Variants in MCM2 observed in about 807,000 individuals in gnomAD.
MCM2 encodes the protein minichromosome maintenance complex component 2.
A neutral mutation model predicts 86.4 loss-of-function variants in MCM2; 49 were observed. The ratio of observed to expected loss-of-function variants is 0.57; its 90% confidence interval spans 0.45 to 0.72. MCM2 has a LOEUF of 0.72. Ranked by LOEUF, MCM2 falls within the 30% of genes least tolerant of loss-of-function variation. The pLI, the probability that MCM2 is intolerant of heterozygous loss-of-function variation, is 0.00. For missense variants in MCM2, 1,038 were observed against 1,259.9 expected, an observed-to-expected ratio of 0.82 and a Z score of 2.67; for synonymous variants, 475 against 484.6, an observed-to-expected ratio of 0.98 and a Z score of 0.26.
At chr3:127,608,592 GGCGGTGTCTATGGTC>G in intron 7 of MCM2, 76 bp downstream of exon 7, 1 of 1,582,828 alleles carries the variant, frequency 6.3e-7, no homozygotes, top group Non-Finnish European at 8.6e-7. Context: ...CTGGGCCGGT[GGCGGTGTCTATGGTC>G]GCAGGGGCAC....
chr3:127,612,031 GAGTT>G (rs1469717527), intron 8 of MCM2, among the ~76,000 whole-genome samples: 1 of 152,150 alleles, frequency 6.6e-6, no homozygotes, highest in Non-Finnish European at 1.5e-5. Context: ...TTTTTATTTT[GAGTT>G]AGTTATCATC....
intron 8 of MCM2, among the ~76,000 whole-genome samples, chr3:127,612,635 T>C (rs1017493137): frequency 1.3e-5 from 2 of 152,214 alleles, no homozygotes; most frequent in Admixed American, 1.3e-4. Context: ...AGCCTGATGC[T>C]TTAGGCATTT....
rs142890769 is a variant in MCM2 at position 127,619,147 on chromosome 3, G to A, written c.2134G>A (p.Val712Met). Residue 712 changes from valine to methionine, a missense_variant, in exon 13 of 16, where the codon GTG becomes ATG. By Grantham distance (21) the Val-to-Met change is conservative. Coordinates refer to ENST00000265056, the MANE Select transcript of MCM2 (RefSeq NM_004526.4). ...AEPAMPNTYGVEPLPQEVLKK... is the reference protein window; with the variant it reads ...AEPAMPNTYGMEPLPQEVLKK... Reference sequence around the variant, plus strand: ...GCCCGCCATGCCCAACACGTATGGCGTGGAGCCCCTGCCCCAGGAGGTCCT... The same window carrying A: ...GCCCGCCATGCCCAACACGTATGGCATGGAGCCCCTGCCCCAGGAGGTCCT... 44 of 1,614,156 alleles carry A rather than the reference G, an allele frequency of 2.7e-5. No individual in the cohort carries two copies. The highest frequency in any genetic ancestry group is 4.5e-5 in the East Asian group (2 of 44,880).
rs547812064 is a variant in MCM2 at position 127,620,829 on chromosome 3, G to C, written c.2397G>C (p.Leu799=). Residue 799 remains leucine, a synonymous_variant, in exon 14 of 16, where the codon CTG becomes CTC. Transcript: ENST00000265056. Reference sequence around the variant, plus strand: ...TCAACATGGCCATCCGCGTGATGCTGGAGAGCTTCATAGACACACAGAAGT... The same window carrying C: ...TCAACATGGCCATCCGCGTGATGCTCGAGAGCTTCATAGACACACAGAAGT... ...DDVNMAIRVM[L]ESFIDTQKFS... 9.9e-6 allele frequency: 16 copies of C among 1,613,802 alleles called. No homozygotes were observed. The African/African-American group carries it at 2.1e-4, about 21-fold the overall frequency.
chr3:127,608,943 A>G lies in MCM2; in HGVS notation c.1348A>G (p.Lys450Glu). 2 of 1,614,124 alleles carry G rather than the reference A, an allele frequency of 1.2e-6. No homozygotes were observed. The highest frequency in any genetic ancestry group is 2.2e-5 in the South Asian group (2 of 91,074). The change falls in exon 8 of 16, where the codon AAG (lysine) becomes GAG (glutamate). Residue 450 changes from lysine (K) to glutamate (E), a missense_variant. This residue lies in a region of MCM2 where 399 missense variants were observed against 507.2 expected (regional missense o/e 0.79). Coordinates refer to ENST00000265056, the MANE Select transcript of MCM2 (RefSeq NM_004526.4). ...CAACCACGTGGCCAAGAAGGACAAC[A>G]AGGTTGCTGTAGGGGAACTGACCGA... ...LANHVAKKDN[K>E]VAVGELTDED...
At chr3:127,615,982 G>A (rs1457931303) in intron 9 of MCM2, 27 bp downstream of exon 9, 1 of 1,550,720 alleles carries the variant, frequency 6.4e-7, no homozygotes, top group East Asian at 2.2e-5. Context: ...CCTCTGCAGG[G>A]GTGTTAGCAG....
chr3:127,615,871 A>G lies in MCM2; in HGVS notation c.1438A>G (p.Ser480Gly). 1 of 1,613,544 alleles carries G rather than the reference A, an allele frequency of 6.2e-7. No individual in the cohort carries two copies. Among genetic ancestry groups the G allele is most frequent in the Non-Finnish European group, 8.5e-7 (1 of 1,179,534 alleles). ...TCCCTCCCTTTCTCAGATCTTTGCCAGCATTGCTCCTTCCATCTATGGTCA... is the reference window on the plus strand; with the variant it reads ...TCCCTCCCTTTCTCAGATCTTTGCCGGCATTGCTCCTTCCATCTATGGTCA... ...DQQIGEKIFA[S>G]IAPSIYGHED... The change falls in exon 9 of 16, where the codon AGC becomes GGC. Residue 480 changes from serine (S) to glycine (G), a missense_variant. By Grantham distance (56) the Ser-to-Gly change is moderately conservative. This residue lies in a region of MCM2 where 399 missense variants were observed against 507.2 expected (regional missense o/e 0.79). Transcript: ENST00000265056.
chr3:127,611,007 C>T (rs2074390503), intron 8 of MCM2: 1 of 454,880 alleles, frequency 2.2e-6, no homozygotes, highest in South Asian at 1.5e-5. Flanking sequence ...AGACATGACC[C>T]TTGCCCTCAG....
intron 8 of MCM2, among the ~76,000 whole-genome samples, chr3:127,611,441 C>T (rs1378232846): frequency 2.0e-5 from 3 of 152,246 alleles, no homozygotes; most frequent in East Asian, 3.9e-4. Flanking sequence ...GAGCGTGTGG[C>T]GGGCATGGCA....
intron 2 of MCM2, chr3:127,604,372 AC>A (rs758772163): frequency 1.2e-5 from 6 of 496,754 alleles, no homozygotes; most frequent in Non-Finnish European, 2.1e-5. Context: ...ATGTGCCAGC[AC>A]GTGGCAGAAT....
chr3:127,620,563 G>A, intron 13 of MCM2, 135 bp from the exon 14 acceptor site: 1 of 868,120 alleles, frequency 1.2e-6, no homozygotes, highest in Admixed American at 2.6e-5. Flanking sequence ...GGGCAGCGCA[G>A]TCAAGCATTC....
rs1240520253 is a variant in MCM2 at position 127,606,389 on chromosome 3, T to G, written c.893+52T>G. The G allele has an allele frequency of 1.9e-6, 3 of 1,562,704 alleles. No individual in the cohort carries two copies. Among genetic ancestry groups the G allele is most frequent in the African/African-American group, 2.7e-5 (2 of 73,798 alleles). On this transcript the variant is annotated intron_variant, in intron 5 of 15. Transcript: ENST00000265056. The surrounding 1 kb of genome is among the most constrained non-coding windows in gnomAD (Gnocchi z 4.2). ...AGGTCCGAGCTCAGTGCTGGGTGAC[T>G]CGGTCGTGATTCCTGAAGAGCGATT...
chr3:127,616,990 C>A lies in MCM2; in HGVS notation c.1645C>A (p.Gln549Lys). Reference sequence around the variant, plus strand: ...CAGCCGAGCCATCTTCACCACTGGCCAGGGGGCGTCGGCTGTGGGCCTCAC... The same window carrying A: ...CAGCCGAGCCATCTTCACCACTGGCAAGGGGGCGTCGGCTGTGGGCCTCAC... ...VSSRAIFTTG[Q>K]GASAVGLTAY... is the part of the protein sequence containing the mutation. The change falls in exon 10 of 16, where the codon CAG (glutamine) becomes AAG (lysine). Residue 549 changes from glutamine to lysine, a missense_variant. Transcript: ENST00000265056. 1 of 1,614,214 alleles carries A rather than the reference C, an allele frequency of 6.2e-7. No individual in the cohort carries two copies. The highest frequency in any genetic ancestry group is 8.5e-7 in the Non-Finnish European group (1 of 1,180,054).
At chr3:127,619,678 C>G (rs1294949530) in intron 13 of MCM2, among the ~76,000 whole-genome samples, 1 of 151,470 alleles carries the variant, frequency 6.6e-6, no homozygotes, top group Non-Finnish European at 1.5e-5. Flanking sequence ...GACTCCATCT[C>G]AAAAACAAAA....
At chr3:127,619,569 C>T (rs1286781915) in intron 13 of MCM2, among the ~76,000 whole-genome samples, 1 of 152,106 alleles carries the variant, frequency 6.6e-6, no homozygotes, top group Non-Finnish European at 1.5e-5. Flanking sequence ...ATCCCAGCTT[C>T]TCAGGAGGCT....
chr3:127,618,959 C>T lies in MCM2; in HGVS notation c.2014-68C>T. The T allele has an allele frequency of 6.8e-7, 1 of 1,473,846 alleles. No homozygotes were observed. Among genetic ancestry groups the T allele is most frequent in the Non-Finnish European group, 9.0e-7 (1 of 1,106,502 alleles). The allele number at this position is 1,473,846 out of a possible 1,614,324, so 91.3% of individuals were successfully genotyped here. On this transcript the variant is annotated intron_variant, in intron 12 of 15. Coordinates refer to ENST00000265056, the MANE Select transcript of MCM2 (RefSeq NM_004526.4). The surrounding 1 kb of genome is among the most constrained non-coding windows in gnomAD (Gnocchi z 4.0). ...CTTGTAGGGCACACTCAGCCCTTCT[C>T]CAGCCACTGACCTCCCCAAAGCCAC...
chr3:127,619,170 C>G lies in MCM2; in HGVS notation c.2157C>G (p.Val719=). Residue 719 remains valine, a synonymous_variant, in exon 13 of 16, where the codon GTC becomes GTG. Coordinates refer to ENST00000265056, the MANE Select transcript of MCM2 (RefSeq NM_004526.4). ...TYGVEPLPQE[V]LKKYIIYAKE... is the part of the protein sequence containing the mutation. ...GCGTGGAGCCCCTGCCCCAGGAGGT[C>G]CTGAAGAAGTACATCATCTACGCCA... The G allele has an allele frequency of 6.2e-7, 1 of 1,614,160 alleles. No homozygotes were observed. Among genetic ancestry groups the G allele is most frequent in the Non-Finnish European group, 8.5e-7 (1 of 1,180,050 alleles).
chr3:127,620,550 A>G (rs1445744674), intron 13 of MCM2, 148 bp from the exon 14 acceptor site: 1 of 747,196 alleles, frequency 1.3e-6, no homozygotes, highest in Non-Finnish European at 2.2e-6. Flanking sequence ...GTGTGCATTC[A>G]CTGGGCAGCG....
chr3:127,617,548 G>A lies in MCM2; in HGVS notation c.1900+143G>A. 2 of 1,064,690 alleles carry A rather than the reference G, an allele frequency of 1.9e-6. No individual in the cohort carries two copies. Among genetic ancestry groups the A allele is most frequent in the Non-Finnish European group, 2.6e-6 (2 of 760,042 alleles). 66.0% of individuals were successfully genotyped at this position (1,064,690 alleles called of 1,614,324 possible). A position where few individuals can be genotyped will look rare whatever the true frequency, so the allele number is the denominator to read the frequency against. ...AGGGTTCCCCTCTTCTGCATATCCT[G>A]CCAGAGTGGGGAACAGTGAAAGTGG... is the stretch of plus-strand genomic sequence containing the variant. On this transcript the variant is annotated intron_variant, in intron 11 of 15. Transcript: ENST00000265056. This position sits in a 1 kb window ranked among gnomAD's most constrained non-coding sequence, Gnocchi z 4.1.
Sources: gnomAD v4.1 joint callset for allele counts (sites outside exome capture counted in the v4.1 genomes callset) on GRCh38, gnomAD v4.1.1 for gene constraint, gnomAD v4.1.1 regional missense constraint, Gnocchi (gnomAD v3.1) non-coding constraint, MANE v1.5 for transcripts, NCBI Gene and HGNC (gene_info 2026-07-23, HGNC 2026-07-21) for gene names.